The following RORA variants were observed in gnomAD, a reference collection of about 807,000 sequenced individuals.
RORA encodes nuclear receptor ROR-alpha.
A neutral mutation model predicts 69.5 loss-of-function variants in RORA; 7 were observed. The observed-to-expected ratio is 0.10, with a 90% CI of 0.06 to 0.19. The LOEUF is 0.19. Among genes scored for constraint, RORA ranks in the 10% least tolerant of loss-of-function variants. RORA has a pLI of 1.00. For missense variants in RORA, 457 were observed against 663.0 expected, an observed-to-expected ratio of 0.69 and a Z score of 3.41; for synonymous variants, 261 against 240.8, an observed-to-expected ratio of 1.08 and a Z score of -0.78.
rs140314266 is a variant in RORA, at chr15:60,790,466, CTT to C, written c.167-111782_167-111781del. Among the ~76,000 whole-genome samples, 840 of 152,300 alleles carry C rather than the reference CTT, an allele frequency of 5.5e-3. 5 individuals are homozygous for C. The highest frequency in any genetic ancestry group is 0.019 in the African/African-American group (791 of 41,544). On this transcript the variant is annotated intron_variant, in intron 1 of 10. Coordinates refer to ENST00000335670, the MANE Select transcript of RORA (RefSeq NM_134261.3). ...TTTCCTTCAAGAAGCTGGGATGTGA[CTT>C]TAACATGGTGTGGCACCATGGCCTC...
At chr15:60,680,828 C>T (rs2070631758) in intron 1 of RORA, among the ~76,000 whole-genome samples, 3 of 152,018 alleles carry the variant, frequency 2.0e-5, no homozygotes, top group African/African-American at 7.3e-5. Context: ...TTTATTATAG[C>T]CAATGAAGAT....
intron 1 of RORA, among the ~76,000 whole-genome samples, chr15:61,039,527 C>T (rs1054082882): frequency 6.6e-6 from 1 of 151,806 alleles, no homozygotes; most frequent in Non-Finnish European, 1.5e-5. Flanking sequence ...AGGCAGATCA[C>T]GAGGTCAGGA....
At chr15:61,049,528 C>T (rs1339421724) in intron 1 of RORA, among the ~76,000 whole-genome samples, 1 of 152,202 alleles carries the variant, frequency 6.6e-6, no homozygotes, top group East Asian at 1.9e-4. Flanking sequence ...TCCAGCATTT[C>T]TAACTGGTAG....
intron 2 of RORA, among the ~76,000 whole-genome samples, chr15:60,652,046 G>A (rs1215419722): frequency 1.3e-5 from 2 of 151,426 alleles, no homozygotes; most frequent in African/African-American, 2.4e-5. Context: ...CTCCCTTCCC[G>A]CCTCTGATCT....
chr15:60,505,485 A>T, intron 6 of RORA, 23 bp downstream of exon 6: 5 of 1,613,158 alleles, frequency 3.1e-6, no homozygotes, highest in Non-Finnish European at 4.2e-6. Context: ...CAATCCTAGG[A>T]GGAAAAATTC....
chr15:60,919,142 C>T (rs1363874767), intron 1 of RORA, among the ~76,000 whole-genome samples: 1 of 152,226 alleles, frequency 6.6e-6, no homozygotes, highest in Non-Finnish European at 1.5e-5. Flanking sequence ...CAGTGGCCTC[C>T]TTGGCTTTTC....
intron 1 of RORA, among the ~76,000 whole-genome samples, chr15:60,846,630 C>T (rs2073268771): frequency 6.6e-6 from 1 of 152,214 alleles, no homozygotes; most frequent in South Asian, 2.1e-4. Flanking sequence ...GCTTTTGTCA[C>T]TACATATCAA....
intron 1 of RORA, among the ~76,000 whole-genome samples, chr15:60,850,292 C>T (rs1007254965): frequency 1.3e-5 from 2 of 152,162 alleles, no homozygotes; most frequent in Admixed American, 1.3e-4. Context: ...TCAAAGTATA[C>T]CTCCCTGAAA....
chr15:60,801,178 A>G (rs1186595846), intron 1 of RORA, among the ~76,000 whole-genome samples: 5 of 152,156 alleles, frequency 3.3e-5, no homozygotes, highest in African/African-American at 9.7e-5. Flanking sequence ...TCACCTCACC[A>G]CTAGGTAAAA....
chr15:60,976,474 T>C (rs900634732), intron 1 of RORA, among the ~76,000 whole-genome samples: 27 of 152,162 alleles, frequency 1.8e-4, no homozygotes, highest in African/African-American at 6.0e-4. Flanking sequence ...TGGATCCTTC[T>C]AGACCCACTC....
chr15:61,187,776 G>A (rs1196850845), intron 1 of RORA, among the ~76,000 whole-genome samples: 1 of 152,182 alleles, frequency 6.6e-6, no homozygotes, highest in South Asian at 2.1e-4. Context: ...GGCAAGAGCT[G>A]CTGCGTGTCT....
chr15:60,807,439 T>G (rs2072675680), intron 1 of RORA, among the ~76,000 whole-genome samples: 1 of 152,032 alleles, frequency 6.6e-6, no homozygotes, highest in African/African-American at 2.4e-5. Context: ...CACAAACAAA[T>G]GAAAACATAT....
At position 60,997,300 on chromosome 15, in the gene RORA, C is replaced by G. The variant is rs569063608; in HGVS notation, c.166+231753G>C. Among the ~76,000 whole-genome samples the G allele has an allele frequency of 7.0e-4, 107 of 152,166 alleles. 3 individuals are homozygous for G. The South Asian group carries it at 0.02, about 28-fold the overall frequency. On this transcript the variant is annotated intron_variant, in intron 1 of 10. Transcript: ENST00000335670. ...AGGTATCGGATTTATAGGGTCTATT[C>G]TCTCATTAAATCAATATAAAAATAG...
At chr15:60,638,660 G>A (rs1288202001) in intron 2 of RORA, among the ~76,000 whole-genome samples, 1 of 152,080 alleles carries the variant, frequency 6.6e-6, no homozygotes, top group African/African-American at 2.4e-5. Flanking sequence ...GTTGGGGACT[G>A]GATGAAGTTA....
intron 1 of RORA, among the ~76,000 whole-genome samples, chr15:61,012,657 CT>C (rs34216558): frequency 2.7e-5 from 4 of 150,352 alleles, no homozygotes; most frequent in Admixed American, 6.6e-5. Flanking sequence ...CAAGTTATCA[CT>C]TTTTTTTTTG....
At chr15:60,930,581 G>A (rs906464043) in intron 1 of RORA, among the ~76,000 whole-genome samples, 1 of 152,150 alleles carries the variant, frequency 6.6e-6, no homozygotes, top group Non-Finnish European at 1.5e-5. Flanking sequence ...GAACACTTCC[G>A]GACACCAGCC....
intron 1 of RORA, among the ~76,000 whole-genome samples, chr15:60,781,585 G>A (rs953167014): frequency 1.3e-5 from 2 of 151,876 alleles, no homozygotes; most frequent in Admixed American, 6.6e-5. Context: ...GACGGAGAAC[G>A]CACGCTTTGC....
Position 61,047,001 on chromosome 15 carries a change from G to A in RORA, c.166+182052C>T, listed in dbSNP as rs138248954. 1.6e-4 allele frequency among the ~76,000 whole-genome samples: 24 copies of A among 152,328 alleles called. No individual in the cohort carries two copies. The East Asian group carries it at 3.9e-3, about 25-fold the overall frequency. ...AATGGCTGCCTCGGAGTTCTCAACC[G>A]CTGAGGCAGCTCTACCTAGTCCTTC... On this transcript the variant is annotated intron_variant, in intron 1 of 10. Transcript: ENST00000335670.
intron 3 of RORA, among the ~76,000 whole-genome samples, chr15:60,527,794 GC>G (rs2141428191): frequency 6.6e-6 from 1 of 152,276 alleles, no homozygotes; most frequent in Admixed American, 6.5e-5. Flanking sequence ...TCTTCCACTA[GC>G]CACAGAAAGT....
Sources: allele counts gnomAD v4.1 joint callset (sites outside exome capture counted in the v4.1 genomes callset), GRCh38; gene constraint gnomAD v4.1.1; transcripts MANE v1.5; gene names NCBI Gene and HGNC (gene_info 2026-07-23, HGNC 2026-07-21).